The following NEK4 variants were observed in gnomAD, a reference collection of about 807,000 sequenced individuals.
NEK4 encodes the protein NIMA related kinase 4.
NEK4 carries 86 observed loss-of-function variants against 98.4 expected under a neutral mutation model. That is an observed-to-expected ratio of 0.87 (90% confidence interval 0.73 to 1.05). The LOEUF (loss-of-function observed/expected upper bound fraction) is 1.05. NEK4 is among the 50% of genes least tolerant of loss of function. NEK4 has a pLI of 0.00. For missense variants in NEK4, 898 were observed against 950.3 expected (o/e 0.94, Z 0.72); for synonymous variants, 328 against 342.2 (o/e 0.96, Z 0.46).
chr3:52,743,318 T>C (rs756840614), intron 12 of NEK4, 34 bp downstream of exon 12: 19 of 1,540,372 alleles, frequency 1.2e-5, no homozygotes, highest in African/African-American at 4.1e-5. Flanking sequence ...AGATGTAGAC[T>C]GTCCACCTTC....
At chr3:52,712,767 C>A (rs945105463) in intron 15 of NEK4, among the ~76,000 whole-genome samples, 2 of 152,234 alleles carry the variant, frequency 1.3e-5, no homozygotes, top group African/African-American at 4.8e-5. Context: ...TGCTGGCATG[C>A]TGGCATCTGT....
At chr3:52,744,109 T>A in intron 11 of NEK4, 130 bp downstream of exon 11, 2 of 724,226 alleles carry the variant, frequency 2.8e-6, no homozygotes, top group Non-Finnish European at 5.0e-6. Context: ...TCAAAATCTT[T>A]TCCAACTCGA....
At chr3:52,746,284 CTA>C in intron 9 of NEK4, 74 bp from the exon 10 acceptor site, 1 of 1,413,082 alleles carries the variant, frequency 7.1e-7, no homozygotes, top group Non-Finnish European at 9.8e-7. Context: ...AGCAGGTTCT[CTA>C]TGTATTTGTC....
rs1200616895 is a variant in NEK4, at chr3:52,709,758, C to T, written c.*2019G>A. On this transcript the variant is annotated 3_prime_UTR_variant, in exon 16 of 16. Coordinates refer to ENST00000233027, the MANE Select transcript of NEK4 (RefSeq NM_003157.6). ...AGATTCCTTTAATTCTAATAAAATACCTACTTTATACCAATACATTAGAAA... is the reference window on the plus strand; with the variant it reads ...AGATTCCTTTAATTCTAATAAAATATCTACTTTATACCAATACATTAGAAA... The T allele has an allele frequency of 7.0e-6, 1 of 143,398 alleles. No homozygotes were observed. Among genetic ancestry groups the T allele is most frequent in the Non-Finnish European group, 1.5e-5 (1 of 65,672 alleles). 8.9% of individuals were successfully genotyped at this position (143,398 alleles called of 1,614,324 possible). A position where few individuals can be genotyped will look rare whatever the true frequency, so the allele number is the denominator to read the frequency against.
chr3:52,769,825 A>C (rs995159894), intron 1 of NEK4, among the ~76,000 whole-genome samples: 1 of 152,242 alleles, frequency 6.6e-6, no homozygotes, highest in East Asian at 1.9e-4. Context: ...TAATTGGTTC[A>C]TTATCCTGAG....
chr3:52,719,163 T>C (rs2097357859), intron 15 of NEK4, among the ~76,000 whole-genome samples: 1 of 152,222 alleles, frequency 6.6e-6, no homozygotes, highest in Non-Finnish European at 1.5e-5. Context: ...AAAGTCACTT[T>C]ATACCAGACC....
chr3:52,748,632 G>A (rs986867677), intron 8 of NEK4, among the ~76,000 whole-genome samples: 2 of 152,148 alleles, frequency 1.3e-5, no homozygotes, highest in Non-Finnish European at 2.9e-5. Context: ...ATTGAGCTTG[G>A]CATTAGATGC....
At chr3:52,744,419 C>T in intron 10 of NEK4, 114 bp from the exon 11 acceptor site, 1 of 845,648 alleles carries the variant, frequency 1.2e-6, no homozygotes, top group East Asian at 2.5e-5. Flanking sequence ...GATGCGGTGG[C>T]TCACACTTGT....
intron 14 of NEK4, among the ~76,000 whole-genome samples, chr3:52,738,749 T>G (rs2097380727): frequency 6.6e-6 from 1 of 152,164 alleles, no homozygotes; most frequent in Non-Finnish European, 1.5e-5. Flanking sequence ...GCAGGGCTGT[T>G]TTTTTAAAAA....
In NEK4 at chr3:52,760,955, A is replaced by G. The variant is rs930220277; in HGVS notation, c.822-19T>C. The G allele has an allele frequency of 1.3e-6, 2 of 1,498,342 alleles. No homozygotes were observed. The highest frequency in any genetic ancestry group is 9.2e-7 in the Non-Finnish European group (1 of 1,088,932). The allele number at this position is 1,498,342 out of a possible 1,614,324, so 92.8% of individuals were successfully genotyped here. A position where few individuals can be genotyped will look rare whatever the true frequency, so the allele number is the denominator to read the frequency against. The stretch of plus-strand genomic sequence containing the variant: ...GGTTTTTCTTTATAAAGAAGAAAAG[A>G]AAGAGTTATTATCAATATACTGAAG... On this transcript the variant is annotated intron_variant, in intron 5 of 15. Transcript: ENST00000233027.
In NEK4 at chr3:52,712,749, C is replaced by T. The variant is rs188744028; in HGVS notation, c.2434-880G>A. On this transcript the variant is annotated intron_variant, in intron 15 of 15. Coordinates refer to ENST00000233027, the MANE Select transcript of NEK4 (RefSeq NM_003157.6). The stretch of plus-strand genomic sequence containing the variant: ...CCAAACTCCACCTCGTTCTGCTGGT[C>T]GATGGCCTGCTGGCATGCTGGCATC... Among the ~76,000 whole-genome samples the T allele has an allele frequency of 9.7e-4, 148 of 152,292 alleles. 1 individual carries two copies. The highest frequency in any genetic ancestry group is 3.2e-3 in the African/African-American group (133 of 41,560).
At chr3:52,761,299 G>C (rs1266096502) in intron 5 of NEK4, among the ~76,000 whole-genome samples, 1 of 152,118 alleles carries the variant, frequency 6.6e-6, no homozygotes, top group African/African-American at 2.4e-5. Context: ...AAAAAATTGA[G>C]ACAGAGTTTC....
At chr3:52,748,021 G>A (rs368625924) in intron 8 of NEK4, among the ~76,000 whole-genome samples, 48 of 151,986 alleles carry the variant, frequency 3.2e-4, no homozygotes, top group Admixed American at 6.6e-4. Context: ...GTGCAATGGC[G>A]CGATCTCGGC....
At chr3:52,766,673 T>C (rs544932481) in intron 2 of NEK4, among the ~76,000 whole-genome samples, 45 of 152,358 alleles carry the variant, frequency 3.0e-4, no homozygotes, top group African/African-American at 1.1e-3. Flanking sequence ...CATTTTGGCA[T>C]TACATGAATC....
At chr3:52,725,372 A>G (rs2577836) in intron 15 of NEK4, among the ~76,000 whole-genome samples, 151,050 of 151,716 alleles carry the variant, frequency 1, 75,200 homozygotes, top group Middle Eastern at 1. Context: ...AAAATTAGCC[A>G]GGCATGGTGG....
At chr3:52,765,510 G>T (rs1698526497) in intron 4 of NEK4, among the ~76,000 whole-genome samples, 1 of 152,128 alleles carries the variant, frequency 6.6e-6, no homozygotes, top group South Asian at 2.1e-4. Flanking sequence ...TTGTTGTGAT[G>T]ATTATCAAAG....
intron 6 of NEK4, among the ~76,000 whole-genome samples, chr3:52,752,933 T>TATATATATACACACACACACACAC (rs148965312): frequency 6.6e-5 from 5 of 75,572 alleles, no homozygotes; most frequent in African/African-American, 1.6e-4. Flanking sequence ...TATATATATA[T>TATATATATACACACACACACACAC]ACACACACAC....
At chr3:52,738,470 A>G (rs1333442556) in intron 14 of NEK4, among the ~76,000 whole-genome samples, 5 of 143,252 alleles carry the variant, frequency 3.5e-5, no homozygotes, top group Non-Finnish European at 7.5e-5. Context: ...TGATTTTTTG[A>G]GACAGGATCT....
chr3:52,752,159 C>T lies in NEK4; in HGVS notation c.1141G>A (p.Gly381Ser). 6.2e-7 allele frequency: 1 copy of T among 1,614,170 alleles called. No individual in the cohort carries two copies. Among genetic ancestry groups the T allele is most frequent in the Non-Finnish European group, 8.5e-7 (1 of 1,180,030 alleles). The change falls in exon 7 of 16, where the codon GGC becomes AGC. Residue 381 changes from glycine (G) to serine (S), a missense_variant. Gly to Ser is a moderately conservative substitution (Grantham distance 56). Transcript: ENST00000233027. The stretch of plus-strand genomic sequence containing the variant: ...CTTGGCTGATTCTCCTGAACAAAGC[C>T]ATCACTCACTGAATCCCTCCCTTTT... ...PAKGRDSVSD[G>S]FVQENQPRYL...
Sources: gnomAD v4.1 joint callset for allele counts (sites outside exome capture counted in the v4.1 genomes callset) on GRCh38, gnomAD v4.1.1 for gene constraint, MANE v1.5 for transcripts, NCBI Gene and HGNC (gene_info 2026-07-23, HGNC 2026-07-21) for gene names.